PTGFRN: variants seen among roughly 807,000 people sequenced by gnomAD.
The protein encoded by PTGFRN is prostaglandin F2 receptor inhibitor, also known as prostaglandin F2 receptor negative regulator.
Under a neutral mutation model 83.2 loss-of-function variants are expected in PTGFRN, and 35 were observed. That is an observed-to-expected ratio of 0.42 (90% CI 0.32 to 0.56). PTGFRN has a LOEUF of 0.56. Ranked by LOEUF, PTGFRN falls within the 20% of genes least tolerant of loss-of-function variation. PTGFRN has a pLI of 0.11. For missense variants in PTGFRN, 1,051 were observed against 1,179.5 expected (o/e 0.89, Z 1.60); for synonymous variants, 519 against 498.6 (o/e 1.04, Z -0.55).
chr1:116,975,232 C>G (rs528869315), intron 7 of PTGFRN, among the ~76,000 whole-genome samples: 4 of 152,186 alleles, frequency 2.6e-5, no homozygotes, highest in Non-Finnish European at 4.4e-5. Context: ...CAGGGAAGCT[C>G]GAACTGGGTG....
intron 2 of PTGFRN, among the ~76,000 whole-genome samples, chr1:116,943,968 T>C (rs1185563395): frequency 2.0e-5 from 3 of 152,188 alleles, no homozygotes; most frequent in Admixed American, 6.5e-5. Context: ...AGTATCCATC[T>C]ACTGCTTTTT....
chr1:116,939,144 T>A (rs1419533408), intron 1 of PTGFRN, among the ~76,000 whole-genome samples: 1 of 152,194 alleles, frequency 6.6e-6, no homozygotes, highest in Non-Finnish European at 1.5e-5. Flanking sequence ...TGTTGGTGGA[T>A]CTACCGTTCT....
chr1:116,983,290 G>T (rs1323674065), intron 7 of PTGFRN, among the ~76,000 whole-genome samples: 1 of 152,080 alleles, frequency 6.6e-6, no homozygotes, highest in African/African-American at 2.4e-5. Context: ...CGGGGATCAG[G>T]GCTTAGAGTC....
intron 1 of PTGFRN, among the ~76,000 whole-genome samples, chr1:116,924,306 C>G (rs986767193): frequency 9.1e-6 from 1 of 110,398 alleles, no homozygotes; most frequent in African/African-American, 7.8e-5. Flanking sequence ...GCCACCACAC[C>G]CGGCTAATTT....
chr1:116,920,317 A>G (rs1338614339), intron 1 of PTGFRN, among the ~76,000 whole-genome samples: 1 of 152,200 alleles, frequency 6.6e-6, no homozygotes, highest in African/African-American at 2.4e-5. Context: ...AAACAGTAAA[A>G]CTAATAAGCC....
At chr1:116,978,942 T>A (rs1250773969) in intron 7 of PTGFRN, among the ~76,000 whole-genome samples, 1 of 152,186 alleles carries the variant, frequency 6.6e-6, no homozygotes, top group East Asian at 1.9e-4. Context: ...TGTCCCTGTT[T>A]GCAGATGACA....
At chr1:116,926,335 C>T (rs145823743) in intron 1 of PTGFRN, among the ~76,000 whole-genome samples, 6 of 152,304 alleles carry the variant, frequency 3.9e-5, no homozygotes, top group South Asian at 2.1e-4. Context: ...CCAGTTTGAA[C>T]GTGGAGAGGA....
chr1:116,979,690 C>G (rs10801920), intron 7 of PTGFRN, among the ~76,000 whole-genome samples: 1 of 149,902 alleles, frequency 6.7e-6, no homozygotes, highest in Non-Finnish European at 1.5e-5. Flanking sequence ...GAAACTGGAT[C>G]CCTTCCTTAC....
chr1:116,985,011 G>C (rs1301169516), intron 8 of PTGFRN, 26 bp downstream of exon 8: 1 of 1,588,982 alleles, frequency 6.3e-7, no homozygotes, highest in Non-Finnish European at 8.6e-7. Flanking sequence ...AAATTTCTCA[G>C]TGTTTGGGAA....
intron 3 of PTGFRN, among the ~76,000 whole-genome samples, chr1:116,948,012 A>G (rs1266118775): frequency 6.6e-6 from 1 of 152,226 alleles, no homozygotes; most frequent in East Asian, 1.9e-4. Context: ...ACATATTCAT[A>G]TGAAAGTAAT....
intron 7 of PTGFRN, among the ~76,000 whole-genome samples, chr1:116,977,104 C>A (rs949793551): frequency 1.3e-5 from 2 of 150,986 alleles, no homozygotes; most frequent in South Asian, 2.1e-4. Flanking sequence ...TTTAAACCAA[C>A]AAAGATCAAA....
intron 1 of PTGFRN, among the ~76,000 whole-genome samples, chr1:116,931,094 G>A (rs1475803222): frequency 1.3e-5 from 2 of 152,136 alleles, no homozygotes; most frequent in Non-Finnish European, 2.9e-5. Flanking sequence ...ATCCAAAATT[G>A]GAAATGCTCC....
At chr1:116,962,171 C>G (rs1045243726) in intron 5 of PTGFRN, among the ~76,000 whole-genome samples, 9 of 152,160 alleles carry the variant, frequency 5.9e-5, no homozygotes, top group African/African-American at 1.9e-4. Context: ...CTCGTGTCAT[C>G]ATCACACCAT....
intron 4 of PTGFRN, among the ~76,000 whole-genome samples, chr1:116,954,619 C>T (rs1216214986): frequency 6.6e-6 from 1 of 152,190 alleles, no homozygotes; most frequent in African/African-American, 2.4e-5. Flanking sequence ...TGTCATCACT[C>T]TTGTCTTCCG....
chr1:116,948,892 T>C (rs996487445), intron 3 of PTGFRN, among the ~76,000 whole-genome samples: 4 of 152,224 alleles, frequency 2.6e-5, no homozygotes, highest in Non-Finnish European at 5.9e-5. Flanking sequence ...TCAGTAAAAT[T>C]AGGCCTCTTA....
At position 116,923,192 on chromosome 1, in the gene PTGFRN, T is replaced by G. The variant is rs1216630017; in HGVS notation, c.49+12940T>G. 6.6e-6 allele frequency among the ~76,000 whole-genome samples: 1 copy of G among 152,228 alleles called. No homozygotes were observed. The highest frequency in any genetic ancestry group is 6.5e-5 in the Admixed American group (1 of 15,286). On this transcript the variant is annotated intron_variant, in intron 1 of 8. Transcript: ENST00000393203. This position sits in a 1 kb window ranked among gnomAD's most constrained non-coding sequence, Gnocchi z 4.0. Reference sequence around the variant, plus strand: ...CCCAGCATGTAGGAACTTGAATCTTTGAATAATTGAATTAATGTATGTGCT... The same window carrying G: ...CCCAGCATGTAGGAACTTGAATCTTGGAATAATTGAATTAATGTATGTGCT...
At chr1:116,922,932 G>A (rs1649574054) in intron 1 of PTGFRN, among the ~76,000 whole-genome samples, 1 of 152,136 alleles carries the variant, frequency 6.6e-6, no homozygotes, top group Admixed American at 6.5e-5. Context: ...TGATTCTTTG[G>A]ATTTCAAGTA....
At chr1:116,968,293 T>C (rs1650896309) in intron 6 of PTGFRN, among the ~76,000 whole-genome samples, 1 of 152,138 alleles carries the variant, frequency 6.6e-6, no homozygotes. Context: ...ATACAATGAA[T>C]GCAAGATATT....
rs1651423065 is a variant in PTGFRN at position 116,984,991 on chromosome 1, A to G, written c.2473+6A>G. The stretch of plus-strand genomic sequence containing the variant: ...TATAACTGTGAAGATGGATGGTAAG[A>G]ATGTCACCCAAATTTCTCAGTGTTT... On this transcript the variant is annotated splice_donor_region_variant and intron_variant, in intron 8 of 8. Coordinates refer to ENST00000393203, the MANE Select transcript of PTGFRN (RefSeq NM_020440.4). 2 of 1,609,294 alleles carry G rather than the reference A, an allele frequency of 1.2e-6. No homozygotes were observed. Among genetic ancestry groups the G allele is most frequent in the Non-Finnish European group, 1.7e-6 (2 of 1,176,952 alleles).
Sources: allele counts gnomAD v4.1 joint callset (sites outside exome capture counted in the v4.1 genomes callset), GRCh38; gene constraint gnomAD v4.1.1; non-coding constraint Gnocchi (gnomAD v3.1); transcripts MANE v1.5; gene names NCBI Gene and HGNC (gene_info 2026-07-23, HGNC 2026-07-21).